QTMAN: variants seen among roughly 807,000 people sequenced by gnomAD.
The protein encoded by QTMAN is queuosine-tRNA mannosyltransferase, also known as tRNA-queuosine alpha-mannosyltransferase.
chr2:144,224,073 T>C, the QTMAN span, among the ~76,000 whole-genome samples: 2 of 152,252 alleles, frequency 1.3e-5, no homozygotes, highest in African/African-American at 4.8e-5. Flanking sequence ...CAGTCTTCCA[T>C]TTCACTGCCT....
chr2:144,090,021 T>A, the QTMAN span, among the ~76,000 whole-genome samples: 1 of 151,984 alleles, frequency 6.6e-6, no homozygotes, highest in Non-Finnish European at 1.5e-5. Context: ...TGTCCAAGTG[T>A]GACTTATTTC....
the QTMAN span, among the ~76,000 whole-genome samples, chr2:143,985,554 A>G: frequency 2.0e-5 from 3 of 152,350 alleles, no homozygotes; most frequent in East Asian, 5.8e-4. Context: ...TTAAAATAAA[A>G]GTAATCTTTT....
chr2:144,199,961 C>T, the QTMAN span, among the ~76,000 whole-genome samples: 1 of 152,056 alleles, frequency 6.6e-6, no homozygotes, highest in Non-Finnish European at 1.5e-5. Flanking sequence ...GATTCTCCTA[C>T]CATAGTATGT....
At chr2:144,037,067 A>G in the QTMAN span, among the ~76,000 whole-genome samples, 2 of 152,208 alleles carry the variant, frequency 1.3e-5, no homozygotes, top group Admixed American at 1.3e-4. Context: ...CATAAATCCA[A>G]GGAGATAGAA....
At chr2:144,052,947 C>A in the QTMAN span, among the ~76,000 whole-genome samples, 1 of 152,144 alleles carries the variant, frequency 6.6e-6, no homozygotes, top group East Asian at 1.9e-4. Flanking sequence ...CCACGCCCGG[C>A]CTATTTTAAA....
the QTMAN span, among the ~76,000 whole-genome samples, chr2:144,208,350 T>C: frequency 6.6e-6 from 1 of 152,124 alleles, no homozygotes; most frequent in Non-Finnish European, 1.5e-5. Context: ...CATACCCCTA[T>C]ACATAATGAA....
At chr2:144,073,306 A>G in the QTMAN span, among the ~76,000 whole-genome samples, 1 of 151,468 alleles carries the variant, frequency 6.6e-6, no homozygotes, top group Non-Finnish European at 1.5e-5. Context: ...CCTGGCAATT[A>G]TAACAAAAAT....
chr2:144,114,955 A>C, the QTMAN span, among the ~76,000 whole-genome samples: 1 of 152,186 alleles, frequency 6.6e-6, no homozygotes, highest in South Asian at 2.1e-4. Context: ...CAGGCCAGGC[A>C]TGGTGACTCA....
the QTMAN span, among the ~76,000 whole-genome samples, chr2:144,183,471 A>C: frequency 6.6e-6 from 1 of 152,140 alleles, no homozygotes; most frequent in Non-Finnish European, 1.5e-5. Context: ...ATCATTTTTT[A>C]ATAAAATACA....
chr2:144,085,242 A>C, the QTMAN span, among the ~76,000 whole-genome samples: 4 of 152,252 alleles, frequency 2.6e-5, no homozygotes, highest in African/African-American at 7.2e-5. Context: ...ATTTACAAAA[A>C]ACAAGTGGCC....
chr2:144,068,599 A>G, the QTMAN span, among the ~76,000 whole-genome samples: 1 of 152,254 alleles, frequency 6.6e-6, no homozygotes, highest in Non-Finnish European at 1.5e-5. Flanking sequence ...GATTAAGTTA[A>G]GGACACTCTA....
the QTMAN span, among the ~76,000 whole-genome samples, chr2:144,227,889 C>A: frequency 6.6e-6 from 1 of 152,122 alleles, no homozygotes; most frequent in African/African-American, 2.4e-5. Flanking sequence ...GGCTAGAAAG[C>A]GAAAACATTT....
At chr2:144,208,223 G>A in the QTMAN span, among the ~76,000 whole-genome samples, 1 of 152,114 alleles carries the variant, frequency 6.6e-6, no homozygotes, top group African/African-American at 2.4e-5. Flanking sequence ...TACCTCAACA[G>A]ACTTTAAAGC....
At chr2:144,133,237 T>TTG in the QTMAN span, among the ~76,000 whole-genome samples, 1 of 58,878 alleles carries the variant, frequency 1.7e-5, no homozygotes, top group Non-Finnish European at 2.8e-5. Context: ...ATATTTATAT[T>TTG]TATATATAAA....
At chr2:143,973,894 G>A in the QTMAN span, among the ~76,000 whole-genome samples, 9 of 152,072 alleles carry the variant, frequency 5.9e-5, no homozygotes, top group Non-Finnish European at 1.3e-4. Context: ...GACATTCAAT[G>A]GCAGAGCTCA....
chr2:144,277,280 ACTAGT>A, the QTMAN span, among the ~76,000 whole-genome samples: 1 of 152,146 alleles, frequency 6.6e-6, no homozygotes, highest in Non-Finnish European at 1.5e-5. Flanking sequence ...ATTAGGCAGT[ACTAGT>A]CTACAGAACA....
At chr2:144,154,974 T>C in the QTMAN span, among the ~76,000 whole-genome samples, 5 of 152,290 alleles carry the variant, frequency 3.3e-5, no homozygotes, top group African/African-American at 1.2e-4. Flanking sequence ...AAAATAAAAC[T>C]GGTTAACTTT....
the QTMAN span, among the ~76,000 whole-genome samples, chr2:144,163,513 GA>G: frequency 6.6e-6 from 1 of 152,042 alleles, no homozygotes; most frequent in African/African-American, 2.4e-5. Context: ...TTAAACTAAG[GA>G]GATCATCTCA....
the QTMAN span, among the ~76,000 whole-genome samples, chr2:144,239,638 G>A: frequency 6.6e-6 from 1 of 152,144 alleles, no homozygotes; most frequent in African/African-American, 2.4e-5. Flanking sequence ...CTGCTCAGAA[G>A]ACAGAACTTT....
Sources: gnomAD v4.1 joint callset for allele counts (sites outside exome capture counted in the v4.1 genomes callset) on GRCh38, gnomAD v4.1.1 for gene constraint, MANE v1.5 for transcripts, NCBI Gene and HGNC (gene_info 2026-07-23, HGNC 2026-07-21) for gene names.